The following KIF13B variants were observed in gnomAD, a reference collection of about 807,000 sequenced individuals.
The protein encoded by KIF13B is kinesin family member 13B.
In KIF13B, 127 loss-of-function variants were observed where a neutral mutation model predicts 222.0. The observed-to-expected ratio is 0.57, with a 90% CI of 0.50 to 0.66. The LOEUF (loss-of-function observed/expected upper bound fraction) is 0.66, where lower values mean the gene tolerates loss of function less well. Ranked by LOEUF, KIF13B falls within the 30% of genes least tolerant of loss-of-function variation. The pLI, the probability that KIF13B is intolerant of heterozygous loss-of-function variation, is 0.00. For synonymous variants in KIF13B, 976 were observed against 919.0 expected, an observed-to-expected ratio of 1.06 and a Z score of -1.12; for missense variants, 2,173 against 2,379.0, an observed-to-expected ratio of 0.91 and a Z score of 1.80.
chr8:29,118,613 T>C (rs975788769), intron 30 of KIF13B, among the ~76,000 whole-genome samples: 1 of 152,196 alleles, frequency 6.6e-6, no homozygotes, highest in African/African-American at 2.4e-5. Flanking sequence ...AGAGAGAGCC[T>C]CAAGCTCCTG....
At chr8:29,217,158 A>G (rs1422337336) in intron 2 of KIF13B, among the ~76,000 whole-genome samples, 1 of 152,216 alleles carries the variant, frequency 6.6e-6, no homozygotes, top group Non-Finnish European at 1.5e-5. Context: ...GAGTACACAC[A>G]GGCTGTGCTC....
chr8:29,123,673 TC>T (rs1194761050), intron 27 of KIF13B, among the ~76,000 whole-genome samples, 181 bp from the exon 28 acceptor site: 3 of 152,216 alleles, frequency 2.0e-5, no homozygotes, highest in Non-Finnish European at 4.4e-5. Context: ...CATCTTCAGT[TC>T]CTGGGAGGCC....
chr8:29,070,868 C>G lies in KIF13B; in HGVS notation c.5219-102G>C. 1 of 1,264,924 alleles carries G rather than the reference C, an allele frequency of 7.9e-7. No individual in the cohort carries two copies. The highest frequency in any genetic ancestry group is 1.1e-6 in the Non-Finnish European group (1 of 902,214). 78.4% of individuals were successfully genotyped at this position (1,264,924 alleles called of 1,614,324 possible). Reference sequence around the variant, plus strand: ...AGGCCATGTGCCCACACTGCCACCCCCCCGCACAGGCCCTACACAGCCAGC... The same window carrying G: ...AGGCCATGTGCCCACACTGCCACCCGCCCGCACAGGCCCTACACAGCCAGC... On this transcript the variant is annotated intron_variant, in intron 39 of 39. Coordinates refer to ENST00000524189, the MANE Select transcript of KIF13B (RefSeq NM_015254.4). This position sits in a 1 kb window ranked among gnomAD's most constrained non-coding sequence, Gnocchi z 4.1.
intron 29 of KIF13B, among the ~76,000 whole-genome samples, 157 bp downstream of exon 29, chr8:29,122,434 A>G (rs1809913602): frequency 6.6e-6 from 1 of 152,126 alleles, no homozygotes; most frequent in Non-Finnish European, 1.5e-5. Flanking sequence ...TGACACACCA[A>G]TCAGTCCGTC....
At chr8:29,219,772 A>T (rs1318540462) in intron 2 of KIF13B, among the ~76,000 whole-genome samples, 1 of 151,136 alleles carries the variant, frequency 6.6e-6, no homozygotes, top group Non-Finnish European at 1.5e-5. Context: ...TAAATAAATA[A>T]ATAAATAAGG....
chr8:29,141,685 G>C (rs756075009), intron 19 of KIF13B, among the ~76,000 whole-genome samples: 3 of 152,194 alleles, frequency 2.0e-5, no homozygotes, highest in Non-Finnish European at 4.4e-5. Flanking sequence ...TAGATTTATG[G>C]CATTTATGTT....
At chr8:29,158,052 C>A (rs565550758) in intron 13 of KIF13B, among the ~76,000 whole-genome samples, 1 of 152,270 alleles carries the variant, frequency 6.6e-6, no homozygotes, top group East Asian at 1.9e-4. Context: ...CATCCTACTG[C>A]CTTTTACTAG....
chr8:29,180,154 C>T lies in KIF13B; in HGVS notation c.670G>A (p.Ala224Thr). The T allele has an allele frequency of 6.2e-7, 1 of 1,614,002 alleles. No homozygotes were observed. The highest frequency in any genetic ancestry group is 8.5e-7 in the Non-Finnish European group (1 of 1,179,876). Reference sequence around the variant, plus strand: ...TGTGTGAGGGTGATTTTGAAAACTGCATGGGATCGGCTACTCTCCTCGTTC... The same window carrying T: ...TGTGTGAGGGTGATTTTGAAAACTGTATGGGATCGGCTACTCTCCTCGTTC... ...NMNEESSRSH[A>T]VFKITLTHTL... Residue 224 changes from alanine (A) to threonine (T), a missense_variant, in exon 8 of 40, where the codon GCA (alanine) becomes ACA (threonine). Physicochemically the swap from Ala to Thr is moderately conservative, Grantham distance 58. Coordinates refer to ENST00000524189, the MANE Select transcript of KIF13B (RefSeq NM_015254.4).
rs57720312 is a variant in KIF13B, at chr8:29,247,833, CAAAA to C, written c.56-2398_56-2395del. 8.8e-4 allele frequency among the ~76,000 whole-genome samples: 48 copies of C among 54,410 alleles called. 1 individual carries two copies. The highest frequency in any genetic ancestry group is 2.5e-3 in the Admixed American group (12 of 4,746). The allele number at this position is 54,410 out of a possible 152,430, so 35.7% of individuals were successfully genotyped here. A position where few individuals can be genotyped will look rare whatever the true frequency, so the allele number is the denominator to read the frequency against. ...TAGGTGTGAGAGTAAGACCCTGTCT[CAAAA>C]AAAAAAAAAAAAAAAAAAAAGACAA... On this transcript the variant is annotated intron_variant, in intron 1 of 39. Transcript: ENST00000524189.
intron 35 of KIF13B, among the ~76,000 whole-genome samples, chr8:29,102,789 C>T (rs1314190270): frequency 2.0e-5 from 3 of 152,158 alleles, no homozygotes; most frequent in African/African-American, 7.2e-5. Context: ...TTCAGGAAGG[C>T]GATGGAGCCA....
At chr8:29,219,801 G>A (rs987587789) in intron 2 of KIF13B, among the ~76,000 whole-genome samples, 15 of 151,554 alleles carry the variant, frequency 9.9e-5, no homozygotes, top group African/African-American at 2.2e-4. Context: ...GGTGGCTCAC[G>A]CCTGTAATCC....
In KIF13B at chr8:29,099,155, T is replaced by G. The variant is rs764002928; in HGVS notation, c.4302A>C (p.Gln1434His). ...APAPALSVSPQNNHSPDPGLS... is the reference protein window; with the variant it reads ...APAPALSVSPHNNHSPDPGLS... ...TACCTGGATCTGGAGAATGGTTATT[T>G]TGGGGAGAAACAGAGAGGGCGGGGG... Residue 1434 changes from glutamine (Q) to histidine (H), a missense_variant, in exon 36 of 40, where the codon CAA becomes CAC. Transcript: ENST00000524189. 6.2e-7 allele frequency: 1 copy of G among 1,613,134 alleles called. No homozygotes were observed. The highest frequency in any genetic ancestry group is 2.2e-5 in the East Asian group (1 of 44,866).
chr8:29,163,922 A>G (rs1811885565), intron 12 of KIF13B, among the ~76,000 whole-genome samples: 1 of 152,250 alleles, frequency 6.6e-6, no homozygotes, highest in Non-Finnish European at 1.5e-5. Context: ...TGGGACAATT[A>G]TTAGAATGAC....
intron 3 of KIF13B, among the ~76,000 whole-genome samples, chr8:29,192,867 C>G (rs538680745): frequency 6.6e-6 from 1 of 151,476 alleles, no homozygotes; most frequent in East Asian, 1.9e-4. Flanking sequence ...TTGCTTGTGC[C>G]TGGATCAGAA....
At chr8:29,202,074 T>G (rs1017118453) in intron 2 of KIF13B, among the ~76,000 whole-genome samples, 31 of 152,146 alleles carry the variant, frequency 2.0e-4, no homozygotes, top group African/African-American at 7.5e-4. Context: ...ATAGCAACAT[T>G]GATAAAGTAG....
At chr8:29,167,669 A>G in intron 10 of KIF13B, 84 bp from the exon 11 acceptor site, 1 of 1,146,812 alleles carries the variant, frequency 8.7e-7, no homozygotes, top group South Asian at 1.3e-5. Flanking sequence ...AAAATGGTGA[A>G]CAAATTTCCC....
intron 6 of KIF13B, among the ~76,000 whole-genome samples, chr8:29,183,056 T>C (rs1812777839): frequency 6.6e-6 from 1 of 152,156 alleles, no homozygotes; most frequent in Admixed American, 6.5e-5. Flanking sequence ...AGGTTACTGA[T>C]TTTCATTTTA....
At chr8:29,225,747 T>C (rs1367716396) in intron 2 of KIF13B, among the ~76,000 whole-genome samples, 1 of 152,220 alleles carries the variant, frequency 6.6e-6, no homozygotes, top group Admixed American at 6.5e-5. Flanking sequence ...GATTTTATTG[T>C]AATCACCAGC....
intron 19 of KIF13B, 53 bp downstream of exon 19, chr8:29,142,104 G>GCTT: frequency 1.3e-6 from 2 of 1,492,836 alleles, no homozygotes; most frequent in Non-Finnish European, 9.3e-7. Context: ...ACTCATTCCA[G>GCTT]CTTGGCTCCT....
Sources: allele counts gnomAD v4.1 joint callset (sites outside exome capture counted in the v4.1 genomes callset), GRCh38; gene constraint gnomAD v4.1.1; non-coding constraint Gnocchi (gnomAD v3.1); transcripts MANE v1.5; gene names NCBI Gene and HGNC (gene_info 2026-07-23, HGNC 2026-07-21).